Variants in KCNJ15 observed in about 807,000 individuals in gnomAD.
The protein encoded by KCNJ15 is ATP-sensitive inward rectifier potassium channel 15.
Under a neutral mutation model 23.0 loss-of-function variants are expected in KCNJ15, and 14 were observed. That is an observed-to-expected ratio of 0.61 (90% CI 0.40 to 0.95). The LOEUF (loss-of-function observed/expected upper bound fraction) is 0.95. KCNJ15 is among the 40% of genes least tolerant of loss of function. The probability of loss-of-function intolerance (pLI) is 0.00; values close to 1 mark genes in which losing one functional copy is unlikely to be tolerated. For missense variants in KCNJ15, 388 were observed against 461.8 expected (o/e 0.84, Z 1.46); for synonymous variants, 185 against 183.2 (o/e 1.01, Z -0.08).
At chr21:38,256,948 C>T (rs931418817), upstream of KCNJ15, 1 of 150,558 alleles carries the variant, frequency 6.6e-6, no homozygotes, top group African/African-American at 2.5e-5. Context: ...CTATCCCTCC[C>T]TCCTCTGCCC....
At chr21:38,290,995 A>AATACACACACACACACAC (rs1984546814) in intron 1 of KCNJ15, among the ~76,000 whole-genome samples, 1 of 127,200 alleles carries the variant, frequency 7.9e-6, no homozygotes, top group African/African-American at 2.9e-5. Flanking sequence ...AAAAAGGCTA[A>AATACACACACACACACAC]ACACACACAC....
chr21:38,305,950 C>A lies in KCNJ15; in HGVS notation c.*5561C>A, dbSNP rs1290979429. On this transcript the variant is annotated 3_prime_UTR_variant, in exon 3 of 3. Coordinates refer to ENST00000398938, the MANE Select transcript of KCNJ15 (RefSeq NM_170736.3). ...TTCAGCTGAACACGGGGAACCCAGT[C>A]TTTGACACTCCTGTGTGCAGTGTGG... 6.6e-6 allele frequency: 1 copy of A among 152,208 alleles called. No homozygotes were observed. Among genetic ancestry groups the A allele is most frequent in the Non-Finnish European group, 1.5e-5 (1 of 68,040 alleles). 9.4% of individuals were successfully genotyped at this position (152,208 alleles called of 1,614,324 possible).
At chr21:38,260,243 C>A (rs1025821544) in intron 1 of KCNJ15, among the ~76,000 whole-genome samples, 3 of 152,308 alleles carry the variant, frequency 2.0e-5, no homozygotes, top group Middle Eastern at 3.4e-3. Flanking sequence ...TTGAACTTGA[C>A]AGGTGTAGCC....
chr21:38,238,639 G>A, intron 1 of KCNJ15: 1 of 580,574 alleles, frequency 1.7e-6, no homozygotes, highest in South Asian at 1.6e-5. Context: ...CGGGTTGTGG[G>A]CTGACACGGA....
chr21:38,297,197 G>A (rs1985250283), intron 2 of KCNJ15, among the ~76,000 whole-genome samples, 174 bp downstream of exon 2: 1 of 152,132 alleles, frequency 6.6e-6, no homozygotes, highest in Non-Finnish European at 1.5e-5. Context: ...ACCAAGACTT[G>A]ATAGGAGGTA....
At chr21:38,275,095 A>C (rs899798664) in intron 1 of KCNJ15, among the ~76,000 whole-genome samples, 1 of 151,450 alleles carries the variant, frequency 6.6e-6, no homozygotes, top group African/African-American at 2.4e-5. Context: ...AGTCCTTTCC[A>C]CTCCTGTTCA....
At chr21:38,288,037 T>G (rs1288173456) in intron 1 of KCNJ15, among the ~76,000 whole-genome samples, 1 of 76,916 alleles carries the variant, frequency 1.3e-5, no homozygotes, top group African/African-American at 4.7e-5. Context: ...TTTGTTTTTT[T>G]TTTTTTTTTT....
intron 1 of KCNJ15, among the ~76,000 whole-genome samples, chr21:38,293,677 C>T (rs941074424): frequency 1.3e-5 from 2 of 152,200 alleles, no homozygotes; most frequent in African/African-American, 4.8e-5. Context: ...CTTCAGCCTC[C>T]AAGGAGCTGT....
intron 1 of KCNJ15, among the ~76,000 whole-genome samples, chr21:38,293,124 A>G (rs556021162): frequency 6.6e-6 from 1 of 152,286 alleles, no homozygotes; most frequent in Admixed American, 6.5e-5. Context: ...CCTTGTTAAC[A>G]ACTCTAAGAA....
chr21:38,291,024 A>ATG (rs1984553912), intron 1 of KCNJ15, among the ~76,000 whole-genome samples: 1 of 149,516 alleles, frequency 6.7e-6, no homozygotes, highest in Non-Finnish European at 1.5e-5. Flanking sequence ...ACACACACAC[A>ATG]CGTATATATA....
At chr21:38,269,578 T>A (rs1342157339) in intron 1 of KCNJ15, among the ~76,000 whole-genome samples, 1 of 152,152 alleles carries the variant, frequency 6.6e-6, no homozygotes, top group Non-Finnish European at 1.5e-5. Flanking sequence ...AAAAAGAAAA[T>A]CAACTTGGCA....
chr21:38,258,149 C>T (rs1465958049), intron 1 of KCNJ15, among the ~76,000 whole-genome samples: 3 of 151,972 alleles, frequency 2.0e-5, no homozygotes, highest in Non-Finnish European at 4.4e-5. Flanking sequence ...CACACTCACA[C>T]TCATGCACAA....
intron 1 of KCNJ15, among the ~76,000 whole-genome samples, chr21:38,261,993 C>A (rs1188973452): frequency 6.6e-6 from 1 of 152,156 alleles, no homozygotes; most frequent in Non-Finnish European, 1.5e-5. Context: ...TAAACCCATG[C>A]CTACCAAGCC....
chr21:38,247,093 G>GATGGATGC (rs1323546173), intron 1 of KCNJ15, among the ~76,000 whole-genome samples: 1 of 69,160 alleles, frequency 1.4e-5, no homozygotes. Flanking sequence ...TGGATGGATG[G>GATGGATGC]ATGGATGCAT....
intron 2 of KCNJ15, among the ~76,000 whole-genome samples, chr21:38,298,570 A>G (rs9980837): frequency 0.67 from 102,009 of 152,142 alleles, 34,809 homozygotes; most frequent in Non-Finnish European, 0.75. Flanking sequence ...GAGGCTGTAG[A>G]TTCTTAATTA....
At position 38,305,491 on chromosome 21, in the gene KCNJ15, C is replaced by T. The variant is rs1360880737; in HGVS notation, c.*5102C>T. The T allele has an allele frequency of 2.6e-5, 4 of 152,136 alleles. No individual in the cohort carries two copies. The highest frequency in any genetic ancestry group is 6.6e-5 in the Admixed American group (1 of 15,266). The allele number at this position is 152,136 out of a possible 1,614,324, so 9.4% of individuals were successfully genotyped here. A position where few individuals can be genotyped will look rare whatever the true frequency, so the allele number is the denominator to read the frequency against. On this transcript the variant is annotated 3_prime_UTR_variant, in exon 3 of 3. Coordinates refer to ENST00000398938, the MANE Select transcript of KCNJ15 (RefSeq NM_170736.3). ...GAAGTCAAAGGACAGAACTGATACA[C>T]GAGTATAAAAGCCAACGATGTCATA...
chr21:38,270,415 T>G (rs1327543730), intron 1 of KCNJ15, among the ~76,000 whole-genome samples: 1 of 152,196 alleles, frequency 6.6e-6, no homozygotes, highest in Non-Finnish European at 1.5e-5. Flanking sequence ...TGAAATTTAT[T>G]ATCTCTCTTT....
At chr21:38,250,568 T>C (rs1979756294) in intron 1 of KCNJ15, among the ~76,000 whole-genome samples, 1 of 152,038 alleles carries the variant, frequency 6.6e-6, no homozygotes, top group Non-Finnish European at 1.5e-5. Context: ...GATCTGGAGG[T>C]TCACATGCTT....
chr21:38,233,340 G>A (rs1045560307), intron 1 of KCNJ15, among the ~76,000 whole-genome samples: 4 of 151,936 alleles, frequency 2.6e-5, no homozygotes, highest in Non-Finnish European at 4.4e-5. Context: ...ATCCTCTGTG[G>A]ACAATATATA....
Sources: allele counts gnomAD v4.1 joint callset (sites outside exome capture counted in the v4.1 genomes callset), GRCh38; gene constraint gnomAD v4.1.1; transcripts MANE v1.5; gene names NCBI Gene and HGNC (gene_info 2026-07-23, HGNC 2026-07-21).